The following RASEF variants were observed in gnomAD, a reference collection of about 807,000 sequenced individuals.
RASEF encodes the protein ras and EF-hand domain-containing protein.
In RASEF, 68 loss-of-function variants were observed where a neutral mutation model predicts 90.1. That is an observed-to-expected ratio of 0.75 (90% CI 0.62 to 0.92). The LOEUF is 0.92. Among genes scored for constraint, RASEF ranks in the 40% least tolerant of loss-of-function variants. The pLI, the probability that RASEF is intolerant of heterozygous loss-of-function variation, is 0.00. For synonymous variants in RASEF, 331 were observed against 345.2 expected, an observed-to-expected ratio of 0.96 and a Z score of 0.46; for missense variants, 949 against 937.2, an observed-to-expected ratio of 1.01 and a Z score of -0.16.
chr9:83,059,784 C>A (rs768145504), intron 1 of RASEF, among the ~76,000 whole-genome samples: 1 of 152,138 alleles, frequency 6.6e-6, no homozygotes, highest in Non-Finnish European at 1.5e-5. Context: ...ACCTTGCAGA[C>A]CCTTCATATC....
chr9:83,047,498 A>G (rs1477202505), intron 1 of RASEF, among the ~76,000 whole-genome samples: 2 of 152,204 alleles, frequency 1.3e-5, no homozygotes, highest in East Asian at 1.9e-4. Flanking sequence ...CTTTTCACAC[A>G]TCTTAAAAAC....
At chr9:83,152,063 A>G in the RASEF span, among the ~76,000 whole-genome samples, 1 of 152,118 alleles carries the variant, frequency 6.6e-6, no homozygotes, top group South Asian at 2.1e-4. Context: ...TAAGACTATG[A>G]TCTCCTTGAG....
chr9:83,174,349 A>T, the RASEF span, among the ~76,000 whole-genome samples: 1 of 151,984 alleles, frequency 6.6e-6, no homozygotes, highest in Non-Finnish European at 1.5e-5. Flanking sequence ...ATGGAGCCCA[A>T]CTTCATTATT....
chr9:83,060,831 G>A (rs1269741919), intron 1 of RASEF, among the ~76,000 whole-genome samples: 1 of 152,136 alleles, frequency 6.6e-6, no homozygotes, highest in African/African-American at 2.4e-5. Flanking sequence ...AGTCTACCAG[G>A]TGACACCGGT....
the RASEF span, among the ~76,000 whole-genome samples, chr9:83,173,485 A>G: frequency 2.6e-5 from 4 of 151,174 alleles, no homozygotes; most frequent in South Asian, 6.3e-4. Flanking sequence ...TCAGCTCACT[A>G]ATTCCTTTCT....
the RASEF span, among the ~76,000 whole-genome samples, chr9:83,138,576 A>G: frequency 6.6e-6 from 1 of 152,334 alleles, no homozygotes; most frequent in East Asian, 1.9e-4. Flanking sequence ...CGAAAGCATC[A>G]AGTCAGCTGT....
At chr9:82,996,251 T>C (rs755383321) in intron 14 of RASEF, among the ~76,000 whole-genome samples, 14 of 152,200 alleles carry the variant, frequency 9.2e-5, no homozygotes, top group Non-Finnish European at 1.3e-4. Context: ...ATATACTTAG[T>C]TGAAAAGTTG....
At chr9:83,020,638 T>C (rs1829425103) in intron 3 of RASEF, among the ~76,000 whole-genome samples, 1 of 152,178 alleles carries the variant, frequency 6.6e-6, no homozygotes, top group Non-Finnish European at 1.5e-5. Flanking sequence ...TGTGGATGCA[T>C]GGGTTTGCCA....
intron 2 of RASEF, among the ~76,000 whole-genome samples, chr9:83,023,367 A>G (rs1286920313): frequency 6.6e-6 from 1 of 152,226 alleles, no homozygotes; most frequent in Non-Finnish European, 1.5e-5. Flanking sequence ...GAGGTGATTC[A>G]TTCGGACAAA....
the RASEF span, among the ~76,000 whole-genome samples, chr9:83,109,866 G>T: frequency 6.6e-6 from 1 of 152,028 alleles, no homozygotes; most frequent in Non-Finnish European, 1.5e-5. Context: ...CAGTTGAAAG[G>T]TTTTATGGAT....
chr9:83,078,997 G>GGTTTCCTCTGTT, the RASEF span, among the ~76,000 whole-genome samples: 4 of 152,098 alleles, frequency 2.6e-5, no homozygotes. Context: ...CCATTCTGTA[G>GGTTTCCTCTGTT]GTTTCCTCTG....
chr9:83,053,927 T>C (rs1344873969), intron 1 of RASEF, among the ~76,000 whole-genome samples: 108 of 56,058 alleles, frequency 1.9e-3, no homozygotes, highest in Admixed American at 2.0e-3. Flanking sequence ...GTTAGTCTGA[T>C]GGGCTTCCCT....
At chr9:83,127,823 G>C in the RASEF span, among the ~76,000 whole-genome samples, 1 of 152,116 alleles carries the variant, frequency 6.6e-6, no homozygotes, top group African/African-American at 2.4e-5. Context: ...AGTAGCCATT[G>C]ATGCCAAAAC....
At chr9:83,168,121 T>C in the RASEF span, among the ~76,000 whole-genome samples, 1 of 152,164 alleles carries the variant, frequency 6.6e-6, no homozygotes, top group South Asian at 2.1e-4. Flanking sequence ...GAATTCCTAC[T>C]AGCAGTGAAT....
At chr9:83,017,994 G>GTT in intron 3 of RASEF, among the ~76,000 whole-genome samples, 2 of 152,184 alleles carry the variant, frequency 1.3e-5, no homozygotes, top group Middle Eastern at 3.4e-3. Context: ...ATCCATTCCT[G>GTT]ACTAAAACAA....
chr9:83,126,962 C>G, the RASEF span, among the ~76,000 whole-genome samples: 8 of 152,240 alleles, frequency 5.3e-5, no homozygotes, highest in Admixed American at 2.0e-4. Flanking sequence ...ATGCTCTGGA[C>G]TGCTTTAGCA....
the RASEF span, among the ~76,000 whole-genome samples, chr9:83,137,959 T>G: frequency 1.3e-5 from 2 of 151,948 alleles, no homozygotes; most frequent in African/African-American, 4.8e-5. Context: ...TATACAAACT[T>G]GAACTTTACC....
At chr9:83,125,191 A>G in the RASEF span, among the ~76,000 whole-genome samples, 76,330 of 151,942 alleles carry the variant, frequency 0.5, 19,410 homozygotes, top group East Asian at 0.79. Flanking sequence ...CAGATTGTGC[A>G]CTACTTCAGC....
the RASEF span, among the ~76,000 whole-genome samples, chr9:83,216,384 T>C: frequency 6.6e-6 from 1 of 152,288 alleles, no homozygotes; most frequent in East Asian, 1.9e-4. Flanking sequence ...AGGGACTTGG[T>C]GCCCTGTGTC....
Sources: allele counts gnomAD v4.1 joint callset (sites outside exome capture counted in the v4.1 genomes callset), GRCh38; gene constraint gnomAD v4.1.1; transcripts MANE v1.5; gene names NCBI Gene and HGNC (gene_info 2026-07-23, HGNC 2026-07-21).